The following EYS variants were observed in gnomAD, a reference collection of about 807,000 sequenced individuals.
EYS encodes protein eyes shut homolog.
Under a neutral mutation model 282.1 loss-of-function variants are expected in EYS, and 250 were observed. The observed-to-expected ratio is 0.89, with a 90% CI of 0.80 to 0.98. The LOEUF (loss-of-function observed/expected upper bound fraction) is 0.98. EYS is among the 50% of genes least tolerant of loss of function. The pLI, the probability that EYS is intolerant of heterozygous loss-of-function variation, is 0.00. For synonymous variants in EYS, 1,355 were observed against 1,282.9 expected, an observed-to-expected ratio of 1.06 and a Z score of -1.20; for missense variants, 4,016 against 3,709.0, an observed-to-expected ratio of 1.08 and a Z score of -2.15.
chr6:64,355,994 C>T (rs1030728708), intron 29 of EYS, among the ~76,000 whole-genome samples: 1 of 151,662 alleles, frequency 6.6e-6, no homozygotes, highest in African/African-American at 2.4e-5. Context: ...CTCCTGACCA[C>T]ATGCCAATAA....
At chr6:63,831,917 C>G (rs1771650085) in intron 36 of EYS, among the ~76,000 whole-genome samples, 1 of 152,266 alleles carries the variant, frequency 6.6e-6, no homozygotes, top group Admixed American at 6.5e-5. Flanking sequence ...GAAACTCACT[C>G]AAAACGGCTC....
At chr6:64,581,845 C>T (rs917402427) in intron 26 of EYS, among the ~76,000 whole-genome samples, 22 of 152,094 alleles carry the variant, frequency 1.4e-4, no homozygotes, top group African/African-American at 5.1e-4. Context: ...CTACCACTGT[C>T]TATGTCTTTA....
intron 12 of EYS, among the ~76,000 whole-genome samples, chr6:65,123,826 G>A (rs756323738): frequency 6.6e-6 from 1 of 150,698 alleles, no homozygotes; most frequent in African/African-American, 2.4e-5. Flanking sequence ...ATCATATTTC[G>A]CCAAGAATTT....
rs913509016 is a variant in EYS, at chr6:65,329,827, T to G, written c.1766+5153A>C. ...GTGCCATATTCACATAAAGCTCTAT[T>G]TTTACAAGCCTCCTGACTCTACAGA... is the stretch of plus-strand genomic sequence containing the variant. On this transcript the variant is annotated intron_variant, in intron 11 of 42. Transcript: ENST00000503581. The G allele has an allele frequency of 4.1e-6, 4 of 983,156 alleles. No homozygotes were observed. In the African/African-American group the frequency reaches 5.3e-5, roughly 13 times the overall value. The allele number at this position is 983,156 out of a possible 1,614,324, so 60.9% of individuals were successfully genotyped here.
At chr6:64,765,210 A>C (rs952503789) in intron 22 of EYS, among the ~76,000 whole-genome samples, 21 of 152,220 alleles carry the variant, frequency 1.4e-4, no homozygotes, top group Non-Finnish European at 4.4e-5. Context: ...TCTCTAAGGC[A>C]GGGGAAAAAT....
intron 26 of EYS, among the ~76,000 whole-genome samples, chr6:64,564,614 T>G (rs1410680799): frequency 1.3e-5 from 2 of 152,186 alleles, no homozygotes; most frequent in African/African-American, 2.4e-5. Context: ...GGAATATATG[T>G]GCAGAATGTA....
chr6:65,270,164 G>A (rs34095305), intron 12 of EYS, among the ~76,000 whole-genome samples: 1 of 152,100 alleles, frequency 6.6e-6, no homozygotes, highest in Non-Finnish European at 1.5e-5. Flanking sequence ...TACAATAGTA[G>A]GACAGGCATA....
rs1033814574 is a variant in EYS, at chr6:63,810,781, T to G, written c.7229-4409A>C. Among the ~76,000 whole-genome samples, 4 of 152,316 alleles carry G rather than the reference T, an allele frequency of 2.6e-5. No homozygotes were observed. The South Asian group carries it at 8.3e-4, about 32-fold the overall frequency. ...CTACATATTTCCAGTCAAGTCACTT[T>G]CCCAGCCTCTAAAATGGCTATTTAA... is the stretch of plus-strand genomic sequence containing the variant. On this transcript the variant is annotated intron_variant, in intron 36 of 42. Transcript: ENST00000503581.
chr6:64,297,805 C>A (rs1214043078), intron 30 of EYS, among the ~76,000 whole-genome samples: 3 of 151,886 alleles, frequency 2.0e-5, no homozygotes, highest in Admixed American at 6.6e-5. Context: ...TTGTGAAACA[C>A]CATCTCTACT....
At chr6:64,875,526 A>G (rs1213491538) in intron 19 of EYS, among the ~76,000 whole-genome samples, 1 of 152,056 alleles carries the variant, frequency 6.6e-6, no homozygotes, top group African/African-American at 2.4e-5. Context: ...TTCCCTATGT[A>G]AAGTGCTCGC....
chr6:65,192,021 C>T (rs1361019740), intron 12 of EYS, among the ~76,000 whole-genome samples: 1 of 151,172 alleles, frequency 6.6e-6, no homozygotes. Flanking sequence ...GGCCATTCAG[C>T]TGTTTAAATT....
chr6:64,488,797 G>A (rs539174085), intron 26 of EYS, among the ~76,000 whole-genome samples: 58 of 151,004 alleles, frequency 3.8e-4, no homozygotes, highest in African/African-American at 1.4e-3. Context: ...AAAGTATATA[G>A]GCTTTGGAAA....
At chr6:64,100,193 A>T (rs746289395) in intron 31 of EYS, among the ~76,000 whole-genome samples, 2 of 152,158 alleles carry the variant, frequency 1.3e-5, no homozygotes, top group Non-Finnish European at 2.9e-5. Flanking sequence ...ACTTTCTGTC[A>T]ATCATTTTTA....
chr6:64,125,154 G>GCGCGCGCGCGCGCGCGCTCTCTCTCTCTC (rs1773724746), intron 31 of EYS, among the ~76,000 whole-genome samples: 1 of 145,262 alleles, frequency 6.9e-6, no homozygotes, highest in African/African-American at 2.6e-5. Context: ...CACACTCTCT[G>GCGCGCGCGCGCGCGCGCTCTCTCTCTCTC]TCTCTCTCTC....
chr6:65,540,683 C>A (rs1318977385), intron 2 of EYS, among the ~76,000 whole-genome samples: 1 of 152,120 alleles, frequency 6.6e-6, no homozygotes, highest in Non-Finnish European at 1.5e-5. Context: ...CTTTGGGAGG[C>A]CGAGGCGGGC....
At chr6:65,043,662 G>T (rs1045349022) in intron 13 of EYS, among the ~76,000 whole-genome samples, 2 of 151,180 alleles carry the variant, frequency 1.3e-5, no homozygotes, top group Admixed American at 1.3e-4. Context: ...TCAGTGTCTG[G>T]ATTATTTTAT....
At position 65,095,134 on chromosome 6, in the gene EYS, G is replaced by T. The variant is rs576497195; in HGVS notation, c.2024-37407C>A. ...AACATACAACCTACTAAGACTTATC[G>T]TGAAAAAAGAGATAGCCTGATTAGG... On this transcript the variant is annotated intron_variant, in intron 12 of 42. Transcript: ENST00000503581. 9.9e-5 allele frequency among the ~76,000 whole-genome samples: 15 copies of T among 151,178 alleles called. No homozygotes were observed. In the East Asian group the frequency reaches 2.9e-3, roughly 29 times the overall value.
intron 1 of EYS, among the ~76,000 whole-genome samples, chr6:65,687,808 A>T (rs1295319762): frequency 6.6e-6 from 1 of 152,190 alleles, no homozygotes; most frequent in African/African-American, 2.4e-5. Flanking sequence ...GCAGAGCCAA[A>T]TCATGAGTGA....
chr6:65,562,242 G>A (rs2127346012), intron 2 of EYS, among the ~76,000 whole-genome samples: 1 of 152,084 alleles, frequency 6.6e-6, no homozygotes, highest in South Asian at 2.1e-4. Flanking sequence ...ACAAACATCA[G>A]ATGTGAGCTA....
Sources: gnomAD v4.1 joint callset for allele counts (sites outside exome capture counted in the v4.1 genomes callset) on GRCh38, gnomAD v4.1.1 for gene constraint, MANE v1.5 for transcripts, NCBI Gene and HGNC (gene_info 2026-07-23, HGNC 2026-07-21) for gene names.